Variants in SUPT7L observed in about 807,000 individuals in gnomAD.
The protein encoded by SUPT7L is STAGA complex 65 subunit gamma.
A neutral mutation model predicts 35.7 loss-of-function variants in SUPT7L; 15 were observed. That is an observed-to-expected ratio of 0.42 (90% CI 0.28 to 0.65). SUPT7L has a LOEUF of 0.65. SUPT7L is among the 30% of genes least tolerant of loss of function. The pLI, the probability that SUPT7L is intolerant of heterozygous loss-of-function variation, is 0.23. For synonymous variants in SUPT7L, 168 were observed against 186.2 expected (o/e 0.90, Z 0.79); for missense variants, 434 against 522.2 (o/e 0.83, Z 1.65).
the SUPT7L span, among the ~76,000 whole-genome samples, chr2:27,642,966 C>T: frequency 3.0e-4 from 45 of 148,326 alleles, no homozygotes; most frequent in African/African-American, 7.1e-4. Context: ...TATACACACA[C>T]ACACACACAC....
At chr2:27,655,819 T>C (rs4666010) in intron 4 of SUPT7L, among the ~76,000 whole-genome samples, 35,715 of 152,130 alleles carry the variant, frequency 0.23, 5,007 homozygotes, top group East Asian at 0.58. Flanking sequence ...TGTATGTCAT[T>C]AATTAAAAGT....
intron 5 of SUPT7L, among the ~76,000 whole-genome samples, chr2:27,654,907 A>G (rs1331344774): frequency 6.6e-6 from 1 of 152,160 alleles, no homozygotes; most frequent in Non-Finnish European, 1.5e-5. Flanking sequence ...GTTTGTTAGA[A>G]TACTCTAGCA....
At chr2:27,647,919 G>C, downstream of SUPT7L, 1 of 1,610,310 alleles carries the variant, frequency 6.2e-7, no homozygotes, top group African/African-American at 1.3e-5. Flanking sequence ...AGCAGACAGC[G>C]ATACTGATGA....
Position 27,657,255 on chromosome 2 carries a change from C to T in SUPT7L, c.744+90G>A. On this transcript the variant is annotated intron_variant, in intron 4 of 5. Transcript: ENST00000337768. This position sits in a 1 kb window ranked among gnomAD's most constrained non-coding sequence, Gnocchi z 5.2. ...TCACTCTGTTCCAAGACTCTGTGCTCTGCACTCTAGACCAAGTGTTGTGGG... is the reference window on the plus strand; with the variant it reads ...TCACTCTGTTCCAAGACTCTGTGCTTTGCACTCTAGACCAAGTGTTGTGGG... 1 of 1,402,762 alleles carries T rather than the reference C, an allele frequency of 7.1e-7. No homozygotes were observed. 86.9% of individuals were successfully genotyped at this position (1,402,762 alleles called of 1,614,324 possible).
chr2:27,654,097 G>A lies in SUPT7L; in HGVS notation c.983-350C>T, dbSNP rs1159977580. Among the ~76,000 whole-genome samples, 3 of 152,122 alleles carry A rather than the reference G, an allele frequency of 2.0e-5. No homozygotes were observed. The East Asian group carries it at 5.8e-4, about 29-fold the overall frequency. ...ACCACAGGACTTGTTCAGTTGTTTA[G>A]TTTGCCTGTCCTTCCTTCCTTCTTT... On this transcript the variant is annotated intron_variant, in intron 5 of 5. Transcript: ENST00000337768.
intron 3 of SUPT7L, among the ~76,000 whole-genome samples, chr2:27,658,642 A>G (rs1182262356): frequency 6.6e-6 from 1 of 152,246 alleles, no homozygotes; most frequent in Non-Finnish European, 1.5e-5. Flanking sequence ...GCACTGTACA[A>G]AAGTGCCTGA....
At position 27,661,029 on chromosome 2, in the gene SUPT7L, G is replaced by C; in HGVS notation, c.374C>G (p.Ala125Gly). Residue 125 changes from alanine (A) to glycine (G), a missense_variant, in exon 3 of 6, where the codon GCA becomes GGA. Ala to Gly is a moderately conservative substitution (Grantham distance 60). Transcript: ENST00000337768. The stretch of plus-strand genomic sequence containing the variant: ...GTCACTGTGCCGGATCTGGAATGGT[G>C]CATTGGGATTCTTACAATCTAAAGG... ...LLPLDCKNPNAPFQIRHSDPE... is the reference protein window; with the variant it reads ...LLPLDCKNPNGPFQIRHSDPE... 6.2e-7 allele frequency: 1 copy of C among 1,614,170 alleles called. No homozygotes were observed. The highest frequency in any genetic ancestry group is 1.6e-4 in the Middle Eastern group (1 of 6,062).
chr2:27,659,834 C>T (rs1674967701), intron 3 of SUPT7L, among the ~76,000 whole-genome samples: 1 of 151,994 alleles, frequency 6.6e-6, no homozygotes, highest in African/African-American at 2.4e-5. Context: ...TATACACACA[C>T]ATATGTGAGA....
At chr2:27,643,197 ATT>A in the SUPT7L span, among the ~76,000 whole-genome samples, 1 of 144,410 alleles carries the variant, frequency 6.9e-6, no homozygotes. This position sits in a 1 kb window ranked among gnomAD's most constrained non-coding sequence, Gnocchi z 4.0. Context: ...ATTAAAAAAA[ATT>A]TTTTTTTTTT....
At chr2:27,645,309 A>T in the SUPT7L span, among the ~76,000 whole-genome samples, 2 of 151,404 alleles carry the variant, frequency 1.3e-5, no homozygotes, top group Non-Finnish European at 2.9e-5. Context: ...GTGAGCAAGG[A>T]CTCCTTACTT....
the SUPT7L span, among the ~76,000 whole-genome samples, chr2:27,644,218 C>A: frequency 4.6e-5 from 7 of 152,110 alleles, no homozygotes; most frequent in Admixed American, 3.9e-4. Flanking sequence ...TTAAATATGG[C>A]TGTTTTTCTG....
In SUPT7L at chr2:27,657,776, C is replaced by G; in HGVS notation, c.420-107G>C. ...CCAGTCAAGCCACTGGCCTAGCTTT[C>G]CAGGGAAATTCCATCCAAGTTACAT... On this transcript the variant is annotated intron_variant, in intron 3 of 5. Transcript: ENST00000337768. This position sits in a 1 kb window ranked among gnomAD's most constrained non-coding sequence, Gnocchi z 5.2. The G allele has an allele frequency of 9.0e-7, 1 of 1,106,814 alleles. No individual in the cohort carries two copies. Among genetic ancestry groups the G allele is most frequent in the Non-Finnish European group, 1.3e-6 (1 of 789,732 alleles). 68.6% of individuals were successfully genotyped at this position (1,106,814 alleles called of 1,614,324 possible).
chr2:27,653,388 C>A lies in SUPT7L; in HGVS notation c.*97G>T. 1.3e-6 allele frequency: 2 copies of A among 1,488,600 alleles called. No individual in the cohort carries two copies. Among genetic ancestry groups the A allele is most frequent in the Non-Finnish European group, 1.8e-6 (2 of 1,117,180 alleles). The allele number at this position is 1,488,600 out of a possible 1,614,324, so 92.2% of individuals were successfully genotyped here. A position where few individuals can be genotyped will look rare whatever the true frequency, so the allele number is the denominator to read the frequency against. On this transcript the variant is annotated 3_prime_UTR_variant, in exon 6 of 6. Transcript: ENST00000337768. ...AGGAAAAACCACTTGTGTTTAAGAACAGGAGTCAAATCAATTTTTAAGGAA... is the reference window on the plus strand; with the variant it reads ...AGGAAAAACCACTTGTGTTTAAGAAAAGGAGTCAAATCAATTTTTAAGGAA...
intron 2 of SUPT7L, chr2:27,661,698 T>G (rs958589032): frequency 1.3e-5 from 14 of 1,110,524 alleles, no homozygotes; most frequent in Non-Finnish European, 1.6e-5. Flanking sequence ...ATTTGGGTCA[T>G]TAGTGGACCA....
intron 1 of SUPT7L, 150 bp from the exon 2 acceptor site, chr2:27,662,431 A>G: frequency 2.0e-6 from 1 of 489,844 alleles, no homozygotes; most frequent in Non-Finnish European, 3.7e-6. Flanking sequence ...ACATTATACT[A>G]CTCAGTTTCT....
At chr2:27,647,159 T>C (rs1674275382), downstream of SUPT7L, among the ~76,000 whole-genome samples, 1 of 152,182 alleles carries the variant, frequency 6.6e-6, no homozygotes, top group Non-Finnish European at 1.5e-5. Flanking sequence ...TGTTGCTGTC[T>C]CTGGCCACCC....
intron 5 of SUPT7L, 150 bp from the exon 6 acceptor site, chr2:27,653,897 ACT>A (rs1674675649): frequency 5.7e-6 from 6 of 1,048,940 alleles, no homozygotes; most frequent in East Asian, 2.6e-5. Context: ...TATGGTTGTT[ACT>A]CTCTGCTTCA....
chr2:27,655,991 C>T (rs970765216), intron 4 of SUPT7L, among the ~76,000 whole-genome samples: 3 of 150,922 alleles, frequency 2.0e-5, no homozygotes, highest in African/African-American at 7.3e-5. Context: ...CTGAGACCAG[C>T]TTGGGCAGTA....
rs374560755 is a variant in SUPT7L, at chr2:27,659,164, G to T, written c.420-1495C>A. On this transcript the variant is annotated intron_variant, in intron 3 of 5. Transcript: ENST00000337768. ...GTCTATGCTAGCATATGCTGTGCAT[G>T]TAATAACACAGTTATGCCTCCCCTT... Among the ~76,000 whole-genome samples the T allele has an allele frequency of 7.2e-4, 109 of 152,326 alleles. 1 individual carries two copies. The highest frequency in any genetic ancestry group is 2.5e-3 in the African/African-American group (105 of 41,570).
Sources: allele counts gnomAD v4.1 joint callset (sites outside exome capture counted in the v4.1 genomes callset), GRCh38; gene constraint gnomAD v4.1.1; non-coding constraint Gnocchi (gnomAD v3.1); transcripts MANE v1.5; gene names NCBI Gene and HGNC (gene_info 2026-07-23, HGNC 2026-07-21).